Variants in NAALADL1 observed in about 807,000 individuals in gnomAD.
NAALADL1 encodes aminopeptidase NAALADL1.
NAALADL1 carries 77 observed loss-of-function variants against 82.8 expected under a neutral mutation model. That is an observed-to-expected ratio of 0.93 (90% CI 0.77 to 1.12). The LOEUF is 1.12. NAALADL1 is among the 50% of genes most tolerant of loss of function. The pLI is 0.00. For synonymous variants in NAALADL1, 358 were observed against 399.2 expected, an observed-to-expected ratio of 0.90 and a Z score of 1.23; for missense variants, 956 against 964.0, an observed-to-expected ratio of 0.99 and a Z score of 0.11.
In NAALADL1 at chr11:65,054,815, G is replaced by A. The variant is rs1409650257; in HGVS notation, c.604-77C>T. On this transcript the variant is annotated intron_variant, in intron 4 of 17. Coordinates refer to ENST00000358658, the MANE Select transcript of NAALADL1 (RefSeq NM_005468.3). This position sits in a 1 kb window ranked among gnomAD's most constrained non-coding sequence, Gnocchi z 4.3. Reference sequence around the variant, plus strand: ...GTCCTATTCCTCTTCCTCCTTCCTCGACTGTGGAAGCCAGGATAGACCAAT... The same window carrying A: ...GTCCTATTCCTCTTCCTCCTTCCTCAACTGTGGAAGCCAGGATAGACCAAT... The A allele has an allele frequency of 4.6e-6, 7 of 1,519,872 alleles. No homozygotes were observed. Among genetic ancestry groups the A allele is most frequent in the East Asian group, 4.6e-5 (2 of 43,948 alleles). 94.1% of individuals were successfully genotyped at this position (1,519,872 alleles called of 1,614,324 possible).
In NAALADL1 at chr11:65,045,165, T is replaced by A. The variant is rs1946688446; in HGVS notation, c.*106A>T. On this transcript the variant is annotated 3_prime_UTR_variant, in exon 18 of 18. Transcript: ENST00000358658. ...CTGTTGCCTGAGAAGCTTGAGAGGG[T>A]CCTGTGGTAGTGCCCTCTTCTGGCA... is the stretch of plus-strand genomic sequence containing the variant. The A allele has an allele frequency of 1.6e-6, 2 of 1,263,798 alleles. No homozygotes were observed. Among genetic ancestry groups the A allele is most frequent in the Non-Finnish European group, 2.2e-6 (2 of 918,624 alleles). 78.3% of individuals were successfully genotyped at this position (1,263,798 alleles called of 1,614,324 possible).
chr11:65,048,096 T>G (rs1946786861), intron 10 of NAALADL1, 48 bp from the exon 11 acceptor site: 1 of 1,613,924 alleles, frequency 6.2e-7, no homozygotes, highest in African/African-American at 1.3e-5. Context: ...CCCCTTCTTT[T>G]ACCCACCCAG....
At position 65,046,426 on chromosome 11, in the gene NAALADL1, C is replaced by T. The variant is rs750509614; in HGVS notation, c.1681+19G>A. 24 of 1,614,086 alleles carry T rather than the reference C, an allele frequency of 1.5e-5. No homozygotes were observed. The highest frequency in any genetic ancestry group is 5.0e-5 in the Admixed American group (3 of 60,008). ...CTCTCCTGTCCTGGTCTCAGGATGC[C>T]CCTTGTCTCCCTCCTCACCCGGGTC... On this transcript the variant is annotated intron_variant, in intron 14 of 17. Coordinates refer to ENST00000358658, the MANE Select transcript of NAALADL1 (RefSeq NM_005468.3).
Position 65,046,041 on chromosome 11 carries a change from C to G in NAALADL1, c.1929G>C (p.Gln643His), listed in dbSNP as rs1946715109. The change falls in exon 16 of 18, where the codon CAG becomes CAC. Residue 643 changes from glutamine (Q) to histidine (H), a missense_variant. Coordinates refer to ENST00000358658, the MANE Select transcript of NAALADL1 (RefSeq NM_005468.3). Reference protein sequence around the residue: ...AALGQRISTLQKGSPDPLQVR... With the variant: ...AALGQRISTLHKGSPDPLQVR... ...CCCTTGCTCACTCAGGGCTGCCCTT[C>G]TGCAGTGTTGATATGCGTTGGCCCA... 6.2e-7 allele frequency: 1 copy of G among 1,613,870 alleles called. No homozygotes were observed. Among genetic ancestry groups the G allele is most frequent in the African/African-American group, 1.3e-5 (1 of 74,936 alleles).
chr11:65,048,334 T>G lies in NAALADL1; in HGVS notation c.1250A>C (p.Glu417Ala). ...SIVFASWGAEEFGLIGSTEFT... is the reference protein window; with the variant it reads ...SIVFASWGAEAFGLIGSTEFT... Reference sequence around the variant, plus strand: ...TTCCGTGGAGCCAATGAGCCCAAACTCCTCAGCCCCCCAGCTCGCAAACAC... The same window carrying G: ...TTCCGTGGAGCCAATGAGCCCAAACGCCTCAGCCCCCCAGCTCGCAAACAC... The change falls in exon 9 of 18, where the codon GAG (glutamate) becomes GCG (alanine). Residue 417 changes from glutamate to alanine, a missense_variant. Glu to Ala is a moderately radical substitution (Grantham distance 107). Coordinates refer to ENST00000358658, the MANE Select transcript of NAALADL1 (RefSeq NM_005468.3). 2 of 1,614,040 alleles carry G rather than the reference T, an allele frequency of 1.2e-6. No individual in the cohort carries two copies. Among genetic ancestry groups the G allele is most frequent in the Non-Finnish European group, 1.7e-6 (2 of 1,180,002 alleles).
chr11:65,046,263 T>C lies in NAALADL1; in HGVS notation c.1781A>G (p.Glu594Gly), dbSNP rs760154274. The C allele has an allele frequency of 2.0e-5, 32 of 1,614,028 alleles. No individual in the cohort carries two copies. Among genetic ancestry groups the C allele is most frequent in the Non-Finnish European group, 2.6e-5 (31 of 1,180,046 alleles). ...TGCCTGCAGGAAGCTGCGGAGTGTCTCACTGTAGTCACTGACTTTGAGGGG... is the reference window on the plus strand; with the variant it reads ...TGCCTGCAGGAAGCTGCGGAGTGTCCCACTGTAGTCACTGACTTTGAGGGG... Reference protein sequence around the residue: ...FLPLKVSDYSETLRSFLQAAQ... With the variant: ...FLPLKVSDYSGTLRSFLQAAQ... The change falls in exon 15 of 18, where the codon GAG becomes GGG. Residue 594 changes from glutamate (E) to glycine (G), a missense_variant. Transcript: ENST00000358658.
intron 4 of NAALADL1, 79 bp downstream of exon 4, chr11:65,057,292 C>T: frequency 2.0e-6 from 3 of 1,508,292 alleles, no homozygotes; most frequent in Non-Finnish European, 2.7e-6. Flanking sequence ...CTTCTCCTTC[C>T]CCTTCCCCTC....
chr11:65,058,678 G>A, upstream of NAALADL1: 1 of 697,558 alleles, frequency 1.4e-6, no homozygotes, highest in South Asian at 2.0e-5. Flanking sequence ...TGAGAGCCAG[G>A]AGCCATCCAC....
At chr11:65,061,157 G>A (rs1361200705), upstream of NAALADL1, among the ~76,000 whole-genome samples, 1 of 152,206 alleles carries the variant, frequency 6.6e-6, no homozygotes, top group Non-Finnish European at 1.5e-5. Context: ...TGCCTGCAGA[G>A]TCACGTGGCC....
Position 65,054,824 on chromosome 11 carries a change from A to G in NAALADL1, c.604-86T>C. 2.0e-6 allele frequency: 3 copies of G among 1,494,954 alleles called. No homozygotes were observed. The highest frequency in any genetic ancestry group is 2.7e-6 in the Non-Finnish European group (3 of 1,115,864). 92.6% of individuals were successfully genotyped at this position (1,494,954 alleles called of 1,614,324 possible). A position where few individuals can be genotyped will look rare whatever the true frequency, so the allele number is the denominator to read the frequency against. On this transcript the variant is annotated intron_variant, in intron 4 of 17. Coordinates refer to ENST00000358658, the MANE Select transcript of NAALADL1 (RefSeq NM_005468.3). This position sits in a 1 kb window ranked among gnomAD's most constrained non-coding sequence, Gnocchi z 4.3. ...CTCTTCCTCCTTCCTCGACTGTGGA[A>G]GCCAGGATAGACCAATCTTCCATGG... is the stretch of plus-strand genomic sequence containing the variant.
Position 65,053,387 on chromosome 11 carries a change from AG to A in NAALADL1, c.1079-51del. The A allele has an allele frequency of 1.9e-6, 3 of 1,611,060 alleles. No individual in the cohort carries two copies. The highest frequency in any genetic ancestry group is 2.5e-6 in the Non-Finnish European group (3 of 1,178,746). ...AACCAGAGGAGAGGGAGAGGTGGGCAGGGGGAGCTGGGCTGGGTGGTGGCAA... is the reference window on the plus strand; with the variant it reads ...AACCAGAGGAGAGGGAGAGGTGGGCAGGGGAGCTGGGCTGGGTGGTGGCAA... On this transcript the variant is annotated intron_variant, in intron 7 of 17. Coordinates refer to ENST00000358658, the MANE Select transcript of NAALADL1 (RefSeq NM_005468.3). The surrounding 1 kb of genome is among the most constrained non-coding windows in gnomAD (Gnocchi z 4.3).
At chr11:65,051,700 C>T (rs559545082) in intron 8 of NAALADL1, among the ~76,000 whole-genome samples, 7 of 151,962 alleles carry the variant, frequency 4.6e-5, no homozygotes, top group South Asian at 2.1e-4. Flanking sequence ...ACAGCAGTGG[C>T]GTGTTTGTGT....
intron 3 of NAALADL1, 101 bp from the exon 4 acceptor site, chr11:65,057,594 G>T: frequency 6.9e-7 from 1 of 1,447,600 alleles, no homozygotes; most frequent in Non-Finnish European, 9.2e-7. Context: ...TTTAGATTCT[G>T]TTCCCCCACC....
chr11:65,049,804 T>C (rs1946836930), intron 8 of NAALADL1, among the ~76,000 whole-genome samples: 2 of 151,944 alleles, frequency 1.3e-5, no homozygotes, highest in South Asian at 4.1e-4. Flanking sequence ...GCCCAGGAGG[T>C]CGAGCAAGCA....
rs781579332 is a variant in NAALADL1, at chr11:65,048,258, C to G, written c.1284+42G>C. Reference sequence around the variant, plus strand: ...GACGTCAGCCCCGCGCCGTTCTGTCCTGGGAACCCCTTTCGATCCCCTACC... The same window carrying G: ...GACGTCAGCCCCGCGCCGTTCTGTCGTGGGAACCCCTTTCGATCCCCTACC... On this transcript the variant is annotated intron_variant, in intron 9 of 17. Coordinates refer to ENST00000358658, the MANE Select transcript of NAALADL1 (RefSeq NM_005468.3). 1.9e-6 allele frequency: 3 copies of G among 1,614,040 alleles called. No homozygotes were observed. In the Admixed American group the frequency reaches 5.0e-5, roughly 27 times the overall value.
intron 17 of NAALADL1, 156 bp downstream of exon 17, chr11:65,045,666 G>T: frequency 1.1e-6 from 1 of 904,488 alleles, no homozygotes; most frequent in Non-Finnish European, 1.7e-6. Flanking sequence ...GGACCCTCAA[G>T]CAACTTTCCT....
rs1391432962 is a variant in NAALADL1 at position 65,057,369 on chromosome 11, A to G, written c.603+2T>C. 3 of 1,603,072 alleles carry G rather than the reference A, an allele frequency of 1.9e-6. No individual in the cohort carries two copies. In the African/African-American group the frequency reaches 4.0e-5, roughly 22 times the overall value. Reference sequence around the variant, plus strand: ...CTCCTGCACTGGGGGACTGCCACTCACCTTGGCCCCACGCCCTACACCCCC... The same window carrying G: ...CTCCTGCACTGGGGGACTGCCACTCGCCTTGGCCCCACGCCCTACACCCCC... On this transcript the variant is annotated splice_donor_variant, in intron 4 of 17. Transcript: ENST00000358658. LOFTEE classifies it high-confidence loss of function.
intron 13 of NAALADL1, 112 bp downstream of exon 13, chr11:65,047,363 A>T (rs1327420628): frequency 1.2e-6 from 1 of 838,656 alleles, no homozygotes; most frequent in East Asian, 2.7e-5. Context: ...AACTTGGCAG[A>T]GGTAGCAATG....
intron 4 of NAALADL1, among the ~76,000 whole-genome samples, chr11:65,056,163 G>T (rs982798733): frequency 2.0e-5 from 3 of 152,014 alleles, no homozygotes; most frequent in Non-Finnish European, 4.4e-5. Flanking sequence ...GGGATTACAG[G>T]CATGAGCCAC....
Sources: gnomAD v4.1 joint callset for allele counts (sites outside exome capture counted in the v4.1 genomes callset) on GRCh38, gnomAD v4.1.1 for gene constraint, Gnocchi (gnomAD v3.1) non-coding constraint, MANE v1.5 for transcripts, NCBI Gene and HGNC (gene_info 2026-07-23, HGNC 2026-07-21) for gene names.